ATE1: variants seen among roughly 807,000 people sequenced by gnomAD.
ATE1 encodes the protein arginyl-tRNA--protein transferase 1.
A neutral mutation model predicts 70.5 loss-of-function variants in ATE1; 36 were observed. That is an observed-to-expected ratio of 0.51 (90% confidence interval 0.39 to 0.67). ATE1 has a LOEUF of 0.67. ATE1 is among the 30% of genes least tolerant of loss of function. The probability of loss-of-function intolerance (pLI) is 0.00; values close to 1 mark genes in which losing one functional copy is unlikely to be tolerated. For synonymous variants in ATE1, 232 were observed against 219.3 expected (o/e 1.06, Z -0.51); for missense variants, 593 against 629.5 (o/e 0.94, Z 0.62).
chr10:121,817,295 C>T (rs76897899), intron 10 of ATE1, among the ~76,000 whole-genome samples: 25,437 of 152,188 alleles, frequency 0.17, 2,542 homozygotes, highest in East Asian at 0.45. Flanking sequence ...AATCCCAGTA[C>T]TTTGGGAGGC....
At chr10:121,767,064 G>C (rs1420536979) in intron 11 of ATE1, among the ~76,000 whole-genome samples, 1 of 152,122 alleles carries the variant, frequency 6.6e-6, no homozygotes, top group Non-Finnish European at 1.5e-5. Context: ...GTAACATACA[G>C]AAGAATTACA....
rs75790196 is a variant in ATE1 at position 121,807,006 on chromosome 10, A to G, written c.1258-16717T>C. 4.7e-4 allele frequency among the ~76,000 whole-genome samples: 71 copies of G among 152,250 alleles called. 1 individual carries two copies. The highest frequency in any genetic ancestry group is 9.8e-4 in the Admixed American group (15 of 15,284). ...GAACTTACCAGTTTGACCGTGCAAGATATTTTTCTAATGTTGATCCTCTCC... is the reference window on the plus strand; with the variant it reads ...GAACTTACCAGTTTGACCGTGCAAGGTATTTTTCTAATGTTGATCCTCTCC... On this transcript the variant is annotated intron_variant, in intron 10 of 11. Coordinates refer to ENST00000224652, the MANE Select transcript of ATE1 (RefSeq NM_001001976.3).
intron 8 of ATE1, among the ~76,000 whole-genome samples, chr10:121,846,995 T>A (rs1490721776): frequency 6.6e-6 from 1 of 152,182 alleles, no homozygotes; most frequent in Non-Finnish European, 1.5e-5. Context: ...CTGTCTAACA[T>A]GCTATTGAAC....
At chr10:121,780,896 G>C (rs568288111) in intron 11 of ATE1, among the ~76,000 whole-genome samples, 2 of 152,258 alleles carry the variant, frequency 1.3e-5, no homozygotes, top group South Asian at 4.1e-4. Flanking sequence ...ATCTGAGTGT[G>C]CTTGATAACT....
chr10:121,768,633 A>G lies in ATE1; in HGVS notation c.1378+21536T>C, dbSNP rs138657619. On this transcript the variant is annotated intron_variant, in intron 11 of 11. Transcript: ENST00000224652. The stretch of plus-strand genomic sequence containing the variant: ...GACTCTAAGACCAGTTTTACCTGCC[A>G]CTGTCATTCACCAATCAGAGATTGC... Among the ~76,000 whole-genome samples the G allele has an allele frequency of 5.6e-3, 852 of 152,272 alleles. 6 individuals are homozygous for G. The highest frequency in any genetic ancestry group is 0.014 in the Middle Eastern group (4 of 294).
intron 7 of ATE1, among the ~76,000 whole-genome samples, chr10:121,873,335 A>C (rs1949925224): frequency 1.3e-5 from 2 of 152,130 alleles, no homozygotes; most frequent in African/African-American, 2.4e-5. Context: ...TAGGCCTCTA[A>C]AAAGAAAAAG....
chr10:121,815,279 G>A (rs908126095), intron 10 of ATE1, among the ~76,000 whole-genome samples: 2 of 152,162 alleles, frequency 1.3e-5, no homozygotes, highest in Non-Finnish European at 2.9e-5. Flanking sequence ...GGGACTACAG[G>A]CGCCCGCCAC....
intron 10 of ATE1, among the ~76,000 whole-genome samples, chr10:121,830,349 T>TC (rs1948189517): frequency 6.6e-6 from 1 of 152,048 alleles, no homozygotes; most frequent in East Asian, 1.9e-4. Flanking sequence ...ATGGATGTGT[T>TC]CCTGAGAGCA....
chr10:121,901,232 A>G (rs899843957), intron 6 of ATE1, among the ~76,000 whole-genome samples: 3 of 151,886 alleles, frequency 2.0e-5, no homozygotes, highest in Non-Finnish European at 4.4e-5. Context: ...GCGCCATTGC[A>G]CTCCAGCCTA....
chr10:121,870,043 A>C lies in ATE1; in HGVS notation c.943-5T>G. ...ACTGCAAAGGAATCTTGTGAACTGCAGTCAAATTTGAACAGAATCCATTTC... is the reference window on the plus strand; with the variant it reads ...ACTGCAAAGGAATCTTGTGAACTGCCGTCAAATTTGAACAGAATCCATTTC... On this transcript the variant is annotated splice_polypyrimidine_tract_variant and splice_region_variant and intron_variant, in intron 7 of 11. Transcript: ENST00000224652. 6.2e-7 allele frequency: 1 copy of C among 1,610,106 alleles called. No homozygotes were observed. The highest frequency in any genetic ancestry group is 8.5e-7 in the Non-Finnish European group (1 of 1,177,186).
At chr10:121,909,134 A>G (rs889538085) in intron 5 of ATE1, among the ~76,000 whole-genome samples, 6 of 152,122 alleles carry the variant, frequency 3.9e-5, no homozygotes, top group Admixed American at 1.3e-4. Flanking sequence ...GACTACAGGC[A>G]TGCACCATAA....
intron 10 of ATE1, among the ~76,000 whole-genome samples, chr10:121,801,225 G>T (rs144183177): frequency 6.6e-6 from 1 of 152,118 alleles, no homozygotes; most frequent in Non-Finnish European, 1.5e-5. Context: ...AGAAAGTGAC[G>T]GTATTCTGTA....
At chr10:121,752,568 C>T (rs1944632565) in intron 11 of ATE1, among the ~76,000 whole-genome samples, 1 of 152,128 alleles carries the variant, frequency 6.6e-6, no homozygotes, top group African/African-American at 2.4e-5. Flanking sequence ...ACATTTAGGT[C>T]CAACCCATTT....
At chr10:121,756,333 C>T (rs138996424) in intron 11 of ATE1, among the ~76,000 whole-genome samples, 1,581 of 152,266 alleles carry the variant, frequency 0.01, 10 homozygotes, top group African/African-American at 0.027. Flanking sequence ...CACAGGCTAG[C>T]GTTGAGTGTC....
At chr10:121,912,520 C>T (rs1175694071) in intron 4 of ATE1, among the ~76,000 whole-genome samples, 6 of 151,526 alleles carry the variant, frequency 4.0e-5, no homozygotes, top group East Asian at 2.1e-4. Context: ...GATGTGGTGG[C>T]GGGTGCCTGT....
At chr10:121,778,603 G>A (rs919708112) in intron 11 of ATE1, among the ~76,000 whole-genome samples, 2 of 104,372 alleles carry the variant, frequency 1.9e-5, no homozygotes, top group African/African-American at 7.5e-5. Context: ...TTGAGACATT[G>A]TCCTGCTCTG....
chr10:121,913,053 G>A (rs1951507842), intron 4 of ATE1, among the ~76,000 whole-genome samples: 1 of 152,046 alleles, frequency 6.6e-6, no homozygotes, highest in South Asian at 2.1e-4. Flanking sequence ...CTAATTTTTT[G>A]TATTTTTAGT....
intron 11 of ATE1, among the ~76,000 whole-genome samples, chr10:121,773,900 A>G (rs1041864599): frequency 6.6e-5 from 10 of 152,192 alleles, no homozygotes; most frequent in Non-Finnish European, 1.0e-4. Context: ...GTTTTCAAAA[A>G]TATTTTCAAG....
At chr10:121,817,301 G>T (rs533098737) in intron 10 of ATE1, among the ~76,000 whole-genome samples, 17 of 152,238 alleles carry the variant, frequency 1.1e-4, no homozygotes, top group African/African-American at 3.9e-4. Flanking sequence ...AGTACTTTGG[G>T]AGGCCAAGGC....
Sources: allele counts gnomAD v4.1 joint callset (sites outside exome capture counted in the v4.1 genomes callset), GRCh38; gene constraint gnomAD v4.1.1; transcripts MANE v1.5; gene names NCBI Gene and HGNC (gene_info 2026-07-23, HGNC 2026-07-21).